The following MFSD6 variants were observed in gnomAD, a reference collection of about 807,000 sequenced individuals.
The protein encoded by MFSD6 is major facilitator superfamily domain-containing protein 6.
A neutral mutation model predicts 56.3 loss-of-function variants in MFSD6; 26 were observed. The ratio of observed to expected loss-of-function variants is 0.46; its 90% confidence interval spans 0.34 to 0.64. The LOEUF (loss-of-function observed/expected upper bound fraction) is 0.64. MFSD6 is among the 30% of genes least tolerant of loss of function. The pLI is 0.01. For synonymous variants in MFSD6, 331 were observed against 366.9 expected (o/e 0.90, Z 1.12); for missense variants, 750 against 986.2 (o/e 0.76, Z 3.21).
chr2:190,482,863 A>C, intron 4 of MFSD6, among the ~76,000 whole-genome samples: 1 of 65,838 alleles, frequency 1.5e-5, no homozygotes, highest in Non-Finnish European at 3.3e-5. Flanking sequence ...TATTAAGACT[A>C]TCATCTTTTT....
In MFSD6 at chr2:190,413,090, C is replaced by T. The variant is rs1001025051; in HGVS notation, c.-175-2202C>T. On this transcript the variant is annotated intron_variant, in intron 1 of 7. Coordinates refer to ENST00000392328, the MANE Select transcript of MFSD6 (RefSeq NM_017694.4). This position sits in a 1 kb window ranked among gnomAD's most constrained non-coding sequence, Gnocchi z 4.1. ...TTAAAAAGAGCACACCCTCCCAAAC[C>T]CCCACCTCTACCTCAGCACCAACAA... 6.6e-6 allele frequency among the ~76,000 whole-genome samples: 1 copy of T among 152,146 alleles called. No individual in the cohort carries two copies. The highest frequency in any genetic ancestry group is 1.5e-5 in the Non-Finnish European group (1 of 68,024).
chr2:190,456,734 G>C lies in MFSD6; in HGVS notation c.1533-13024G>C, dbSNP rs1354902210. ...TTGATACAGCTCATGTCCAGCTGCAGGTAAGAGGTGGAAACCTTGGCTCAC... is the reference window on the plus strand; with the variant it reads ...TTGATACAGCTCATGTCCAGCTGCACGTAAGAGGTGGAAACCTTGGCTCAC... On this transcript the variant is annotated intron_variant, in intron 3 of 7. Coordinates refer to ENST00000392328, the MANE Select transcript of MFSD6 (RefSeq NM_017694.4). The surrounding 1 kb of genome is among the most constrained non-coding windows in gnomAD (Gnocchi z 5.4). 6.6e-6 allele frequency among the ~76,000 whole-genome samples: 1 copy of C among 152,190 alleles called. No individual in the cohort carries two copies. Among genetic ancestry groups the C allele is most frequent in the African/African-American group, 2.4e-5 (1 of 41,450 alleles).
At chr2:190,414,607 G>C (rs1441656938) in intron 1 of MFSD6, among the ~76,000 whole-genome samples, 4 of 152,128 alleles carry the variant, frequency 2.6e-5, no homozygotes, top group Admixed American at 2.6e-4. Context: ...GAAGCACAAG[G>C]CATTAGATGA....
rs28620277 is a variant in MFSD6, at chr2:190,454,208, T to C, written c.1533-15550T>C. ...ACCCTCCATTGGTGGAAATATCAAA[T>C]TAACTCCTTGTGGTCCTGGGATAGA... is the stretch of plus-strand genomic sequence containing the variant. On this transcript the variant is annotated intron_variant, in intron 3 of 7. Coordinates refer to ENST00000392328, the MANE Select transcript of MFSD6 (RefSeq NM_017694.4). This position sits in a 1 kb window ranked among gnomAD's most constrained non-coding sequence, Gnocchi z 4.6. The C allele has an allele frequency of 1.1e-3, 171 of 152,310 alleles. 1 individual carries two copies. The highest frequency in any genetic ancestry group is 3.9e-3 in the African/African-American group (163 of 41,562). The allele number at this position is 152,310 out of a possible 1,614,324, so 9.4% of individuals were successfully genotyped here.
Position 190,496,848 on chromosome 2 carries a change from G to T in MFSD6, c.1892-591G>T, listed in dbSNP as rs752166689. ...CATCGTATATTCTCACTCATAAGTG[G>T]GAGCTAGGCTATGAGGATGCAAAGG... On this transcript the variant is annotated intron_variant, in intron 6 of 7. Transcript: ENST00000392328. This position sits in a 1 kb window ranked among gnomAD's most constrained non-coding sequence, Gnocchi z 4.7. 6.6e-6 allele frequency among the ~76,000 whole-genome samples: 1 copy of T among 152,176 alleles called. No homozygotes were observed. The highest frequency in any genetic ancestry group is 1.5e-5 in the Non-Finnish European group (1 of 68,038).
Position 190,488,772 on chromosome 2 carries a change from A to G in MFSD6, c.1746A>G (p.Gly582=), listed in dbSNP as rs1440320695. The part of the protein sequence containing the change: ...GILQGLHLGL[G]RGCGAMIGGV... The stretch of plus-strand genomic sequence containing the variant: ...TGCAGGGCCTTCACCTGGGTTTGGG[A>G]AGAGGATGTGGTGCCATGATCGGAG... The change falls in exon 5 of 8, where the codon GGA becomes GGG. Residue 582 remains glycine (G), a synonymous_variant. Transcript: ENST00000392328. This position sits in a 1 kb window ranked among gnomAD's most constrained non-coding sequence, Gnocchi z 6.4. 6.2e-7 allele frequency: 1 copy of G among 1,608,976 alleles called. No homozygotes were observed. The highest frequency in any genetic ancestry group is 8.5e-7 in the Non-Finnish European group (1 of 1,177,788).
intron 3 of MFSD6, among the ~76,000 whole-genome samples, chr2:190,442,227 C>T (rs1223083349): frequency 6.6e-6 from 1 of 152,008 alleles, no homozygotes; most frequent in Non-Finnish European, 1.5e-5. Flanking sequence ...AAGTATTATT[C>T]TATATTACTT....
At position 190,489,999 on chromosome 2, in the gene MFSD6, C is replaced by T. The variant is rs1689241542; in HGVS notation, c.1891+133C>T. On this transcript the variant is annotated intron_variant, in intron 6 of 7. Transcript: ENST00000392328. This position sits in a 1 kb window ranked among gnomAD's most constrained non-coding sequence, Gnocchi z 6.6. The stretch of plus-strand genomic sequence containing the variant: ...TGGCTCAATTTTCTGAGTGGCGTAT[C>T]GATGAATTCATGTGGACTATTGTTA... 6 of 656,558 alleles carry T rather than the reference C, an allele frequency of 9.1e-6. No individual in the cohort carries two copies. The highest frequency in any genetic ancestry group is 1.3e-5 in the Non-Finnish European group (5 of 395,594). 40.7% of individuals were successfully genotyped at this position (656,558 alleles called of 1,614,324 possible). A position where few individuals can be genotyped will look rare whatever the true frequency, so the allele number is the denominator to read the frequency against.
At position 190,471,943 on chromosome 2, in the gene MFSD6, G is replaced by A. The variant is rs1308985739; in HGVS notation, c.1630+2088G>A. ...TATTTGCTGTTCACCAATATCCGCT[G>A]TTCTGCAGCTTTCACTGCTGATACC... On this transcript the variant is annotated intron_variant, in intron 4 of 7. Transcript: ENST00000392328. This position sits in a 1 kb window ranked among gnomAD's most constrained non-coding sequence, Gnocchi z 4.7. Among the ~76,000 whole-genome samples the A allele has an allele frequency of 6.6e-6, 1 of 152,214 alleles. No individual in the cohort carries two copies. The highest frequency in any genetic ancestry group is 1.5e-5 in the Non-Finnish European group (1 of 68,042).
rs1054442028 is a variant in MFSD6, at chr2:190,434,716, G to A, written c.-53-1261G>A. Among the ~76,000 whole-genome samples, 13 of 152,182 alleles carry A rather than the reference G, an allele frequency of 8.5e-5. No individual in the cohort carries two copies. The highest frequency in any genetic ancestry group is 3.1e-4 in the African/African-American group (13 of 41,454). On this transcript the variant is annotated intron_variant, in intron 2 of 7. Coordinates refer to ENST00000392328, the MANE Select transcript of MFSD6 (RefSeq NM_017694.4). This position sits in a 1 kb window ranked among gnomAD's most constrained non-coding sequence, Gnocchi z 4.3. ...CAAAGTGCTGGGATTACAGGTGTGA[G>A]CCACCGCGCCCGGCCAAAACACTGT...
rs1686068991 is a variant in MFSD6, at chr2:190,433,268, C to T, written c.-53-2709C>T. Reference sequence around the variant, plus strand: ...AAGAAATGTTTCTTTGAATTTTGAGCTCAGGAATTAAATTAATTTAGAAAA... The same window carrying T: ...AAGAAATGTTTCTTTGAATTTTGAGTTCAGGAATTAAATTAATTTAGAAAA... On this transcript the variant is annotated intron_variant, in intron 2 of 7. Transcript: ENST00000392328. The surrounding 1 kb of genome is among the most constrained non-coding windows in gnomAD (Gnocchi z 4.5). The T allele has an allele frequency of 6.6e-6, 1 of 152,024 alleles. No individual in the cohort carries two copies. The highest frequency in any genetic ancestry group is 1.5e-5 in the Non-Finnish European group (1 of 68,014). 9.4% of individuals were successfully genotyped at this position (152,024 alleles called of 1,614,324 possible).
chr2:190,452,456 G>T, intron 3 of MFSD6, among the ~76,000 whole-genome samples: 1 of 152,076 alleles, frequency 6.6e-6, no homozygotes, highest in East Asian at 1.9e-4. Context: ...TGTGAGTTAG[G>T]CATTGTTATG....
chr2:190,417,369 C>T lies in MFSD6; in HGVS notation c.-54+1956C>T, dbSNP rs755494243. ...ATCTATTCATCCTTTAAGATTGGCT[C>T]GAGGCCCCACACCACAGACCCTCTG... is the stretch of plus-strand genomic sequence containing the variant. On this transcript the variant is annotated intron_variant, in intron 2 of 7. Transcript: ENST00000392328. This position sits in a 1 kb window ranked among gnomAD's most constrained non-coding sequence, Gnocchi z 5.7. Among the ~76,000 whole-genome samples the T allele has an allele frequency of 1.3e-5, 2 of 152,102 alleles. No homozygotes were observed. The highest frequency in any genetic ancestry group is 4.8e-5 in the African/African-American group (2 of 41,392).
intron 3 of MFSD6, among the ~76,000 whole-genome samples, chr2:190,448,483 A>G (rs970811081): frequency 7.2e-5 from 11 of 152,250 alleles, no homozygotes; most frequent in African/African-American, 2.7e-4. Context: ...TGCAGGGGTT[A>G]AAAGAAATAG....
At chr2:190,481,507 G>C (rs1232170300) in intron 4 of MFSD6, among the ~76,000 whole-genome samples, 1 of 152,164 alleles carries the variant, frequency 6.6e-6, no homozygotes, top group Non-Finnish European at 1.5e-5. Context: ...TTCAGCTGCT[G>C]TTACATGTCA....
chr2:190,463,962 C>G lies in MFSD6; in HGVS notation c.1533-5796C>G, dbSNP rs1574162547. The G allele has an allele frequency of 1.1e-6, 1 of 873,754 alleles. No individual in the cohort carries two copies. Among genetic ancestry groups the G allele is most frequent in the South Asian group, 5.3e-5 (1 of 18,998 alleles). The allele number at this position is 873,754 out of a possible 1,614,324, so 54.1% of individuals were successfully genotyped here. A position where few individuals can be genotyped will look rare whatever the true frequency, so the allele number is the denominator to read the frequency against. On this transcript the variant is annotated intron_variant, in intron 3 of 7. Transcript: ENST00000392328. This position sits in a 1 kb window ranked among gnomAD's most constrained non-coding sequence, Gnocchi z 4.4. ...AGACTGTAGACTGTGCTCCAGGGAT[C>G]TGGTGTCAACAACCAGCTCTTTTCA... is the stretch of plus-strand genomic sequence containing the variant.
In MFSD6 at chr2:190,494,607, A is replaced by G. The variant is rs917764756; in HGVS notation, c.1892-2832A>G. Reference sequence around the variant, plus strand: ...TCAATGCAAAAATCCTTAACAAAATACTAGCTAATCGAATCCAACAGCATG... The same window carrying G: ...TCAATGCAAAAATCCTTAACAAAATGCTAGCTAATCGAATCCAACAGCATG... On this transcript the variant is annotated intron_variant, in intron 6 of 7. Coordinates refer to ENST00000392328, the MANE Select transcript of MFSD6 (RefSeq NM_017694.4). The surrounding 1 kb of genome is among the most constrained non-coding windows in gnomAD (Gnocchi z 5.7). Among the ~76,000 whole-genome samples, 5 of 152,336 alleles carry G rather than the reference A, an allele frequency of 3.3e-5. No homozygotes were observed. The South Asian group carries it at 1.0e-3, about 32-fold the overall frequency.
chr2:190,478,849 GC>G (rs1409261833), intron 4 of MFSD6, among the ~76,000 whole-genome samples: 11 of 150,708 alleles, frequency 7.3e-5, no homozygotes, highest in African/African-American at 2.7e-4. Flanking sequence ...AAAAAAATAA[GC>G]AAAGTCTGTC....
intron 2 of MFSD6, among the ~76,000 whole-genome samples, chr2:190,420,352 G>A (rs1166258612): frequency 2.2e-4 from 34 of 151,482 alleles, no homozygotes; most frequent in Admixed American, 6.6e-5. Flanking sequence ...TTGCTATGTG[G>A]ATAGAGAGAG....
Sources: allele counts gnomAD v4.1 joint callset (sites outside exome capture counted in the v4.1 genomes callset), GRCh38; gene constraint gnomAD v4.1.1; non-coding constraint Gnocchi (gnomAD v3.1); transcripts MANE v1.5; gene names NCBI Gene and HGNC (gene_info 2026-07-23, HGNC 2026-07-21).